The following TNFSF4 variants were observed in gnomAD, a reference collection of about 807,000 sequenced individuals.
TNFSF4 encodes tumor necrosis factor ligand superfamily member 4.
In TNFSF4, 4 loss-of-function variants were observed where a neutral mutation model predicts 7.3. The observed-to-expected ratio is 0.55, with a 90% confidence interval of 0.27 to 1.25. TNFSF4 has a LOEUF of 1.25. TNFSF4 is among the 50% of genes most tolerant of loss of function. TNFSF4 has a pLI of 0.12. For missense variants in TNFSF4, 181 were observed against 208.8 expected, an observed-to-expected ratio of 0.87 and a Z score of 0.82; for synonymous variants, 76 against 83.7, an observed-to-expected ratio of 0.91 and a Z score of 0.50.
chr1:173,307,510 GA>G, the TNFSF4 span, among the ~76,000 whole-genome samples: 46 of 150,444 alleles, frequency 3.1e-4, no homozygotes, highest in African/African-American at 9.2e-4. Flanking sequence ...TCTGGCTTTG[GA>G]AAAAAAAAGT....
At chr1:173,300,945 T>C in the TNFSF4 span, among the ~76,000 whole-genome samples, 1 of 32,860 alleles carries the variant, frequency 3.0e-5, no homozygotes, top group African/African-American at 8.1e-5. Context: ...GAAGAACAAA[T>C]GTACTGTTTG....
the TNFSF4 span, among the ~76,000 whole-genome samples, chr1:173,410,573 G>A: frequency 6.6e-6 from 1 of 152,172 alleles, no homozygotes; most frequent in Non-Finnish European, 1.5e-5. Context: ...CTCACAATGG[G>A]AGGGAACATT....
the TNFSF4 span, among the ~76,000 whole-genome samples, chr1:173,386,002 A>G: frequency 6.6e-6 from 1 of 152,312 alleles, no homozygotes; most frequent in East Asian, 1.9e-4. Context: ...GTATGGGTGG[A>G]CAGAAGTCAA....
At chr1:173,360,343 A>G in the TNFSF4 span, among the ~76,000 whole-genome samples, 1 of 152,248 alleles carries the variant, frequency 6.6e-6, no homozygotes, top group Non-Finnish European at 1.5e-5. Flanking sequence ...TTTGTCTGAC[A>G]AGTCACTGCT....
the TNFSF4 span, among the ~76,000 whole-genome samples, chr1:173,447,878 A>G: frequency 6.6e-6 from 1 of 152,184 alleles, no homozygotes; most frequent in African/African-American, 2.4e-5. Context: ...AACTATCTAC[A>G]AGAAACCTAC....
the TNFSF4 span, among the ~76,000 whole-genome samples, chr1:173,274,761 T>C: frequency 6.6e-6 from 1 of 152,144 alleles, no homozygotes; most frequent in African/African-American, 2.4e-5. Flanking sequence ...TTGTATGAGG[T>C]AACTATATTC....
the TNFSF4 span, among the ~76,000 whole-genome samples, chr1:173,315,677 T>G: frequency 6.6e-5 from 10 of 152,226 alleles, no homozygotes; most frequent in Non-Finnish European, 2.9e-5. Flanking sequence ...CTTCTGACTT[T>G]ATGGAATAAT....
chr1:173,341,737 C>T, the TNFSF4 span, among the ~76,000 whole-genome samples: 1 of 152,176 alleles, frequency 6.6e-6, no homozygotes, highest in African/African-American at 2.4e-5. Flanking sequence ...CAGATGAAGT[C>T]AGTGCCCCAT....
chr1:173,447,943 C>A, the TNFSF4 span, among the ~76,000 whole-genome samples: 1 of 151,952 alleles, frequency 6.6e-6, no homozygotes, highest in East Asian at 1.9e-4. Flanking sequence ...AGAAGAGATA[C>A]CATACAAACA....
At chr1:173,404,952 T>C in the TNFSF4 span, among the ~76,000 whole-genome samples, 2 of 152,156 alleles carry the variant, frequency 1.3e-5, no homozygotes, top group Non-Finnish European at 2.9e-5. Context: ...TCTTTTAAAC[T>C]ATAACATCTT....
chr1:173,357,642 C>T, the TNFSF4 span, among the ~76,000 whole-genome samples: 1 of 152,170 alleles, frequency 6.6e-6, no homozygotes, highest in African/African-American at 2.4e-5. Flanking sequence ...AGCGATTCTC[C>T]TGCCTCAGCC....
the TNFSF4 span, among the ~76,000 whole-genome samples, chr1:173,433,549 A>C: frequency 6.6e-6 from 1 of 151,568 alleles, no homozygotes; most frequent in Non-Finnish European, 1.5e-5. Context: ...ACAAAAAAAA[A>C]AAAATACTTG....
chr1:173,384,316 T>C, the TNFSF4 span, among the ~76,000 whole-genome samples: 1 of 152,050 alleles, frequency 6.6e-6, no homozygotes, highest in Non-Finnish European at 1.5e-5. Flanking sequence ...AAAAGTACAG[T>C]AGAGTAAATG....
chr1:173,420,016 T>C, the TNFSF4 span, among the ~76,000 whole-genome samples: 11 of 152,152 alleles, frequency 7.2e-5, no homozygotes, highest in African/African-American at 2.7e-4. Context: ...TATTTATGCA[T>C]TTAACGCATG....
chr1:173,422,325 T>A, the TNFSF4 span, among the ~76,000 whole-genome samples: 13 of 16,140 alleles, frequency 8.1e-4, no homozygotes, highest in Non-Finnish European at 8.8e-4. Context: ...GTGCCCAGAG[T>A]GAAAAAAAAA....
chr1:173,274,153 A>ACT, the TNFSF4 span, among the ~76,000 whole-genome samples: 1 of 151,062 alleles, frequency 6.6e-6, no homozygotes, highest in African/African-American at 2.4e-5. Context: ...ACACACACAC[A>ACT]CTCTGTATAT....
At chr1:173,258,644 G>T in the TNFSF4 span, among the ~76,000 whole-genome samples, 1 of 152,178 alleles carries the variant, frequency 6.6e-6, no homozygotes, top group African/African-American at 2.4e-5. Flanking sequence ...TGTCACCGTG[G>T]CTCCAGTCTG....
the TNFSF4 span, among the ~76,000 whole-genome samples, chr1:173,235,608 A>T: frequency 6.6e-6 from 1 of 152,256 alleles, no homozygotes; most frequent in East Asian, 1.9e-4. Flanking sequence ...GCATGTGTTA[A>T]GGGACAGAAT....
the TNFSF4 span, among the ~76,000 whole-genome samples, chr1:173,294,913 G>A: frequency 6.6e-6 from 1 of 151,946 alleles, no homozygotes; most frequent in African/African-American, 2.4e-5. Context: ...ACTGAATACT[G>A]AGAAGACAAT....
Sources: allele counts gnomAD v4.1 joint callset (sites outside exome capture counted in the v4.1 genomes callset), GRCh38; gene constraint gnomAD v4.1.1; transcripts MANE v1.5; gene names NCBI Gene and HGNC (gene_info 2026-07-23, HGNC 2026-07-21).